The following TRAPPC9 variants were observed in gnomAD, a reference collection of about 807,000 sequenced individuals.
TRAPPC9 encodes IKK2 binding protein.
Under a neutral mutation model 124.0 loss-of-function variants are expected in TRAPPC9, and 83 were observed. The ratio of observed to expected loss-of-function variants is 0.67; its 90% CI spans 0.56 to 0.80. The LOEUF (loss-of-function observed/expected upper bound fraction) is 0.80, where lower values mean the gene tolerates loss of function less well. Among genes scored for constraint, TRAPPC9 ranks in the 30% least tolerant of loss-of-function variants. TRAPPC9 has a pLI of 0.00. For synonymous variants in TRAPPC9, 638 were observed against 617.5 expected, an observed-to-expected ratio of 1.03 and a Z score of -0.49; for missense variants, 1,302 against 1,508.3, an observed-to-expected ratio of 0.86 and a Z score of 2.27.
At chr8:140,370,505 T>C (rs918266159) in intron 8 of TRAPPC9, among the ~76,000 whole-genome samples, 1 of 152,198 alleles carries the variant, frequency 6.6e-6, no homozygotes, top group Non-Finnish European at 1.5e-5. Context: ...CTTGTACATA[T>C]TTGTTATTAG....
chr8:139,894,010 C>T (rs570950844), intron 20 of TRAPPC9, among the ~76,000 whole-genome samples: 5 of 152,348 alleles, frequency 3.3e-5, no homozygotes, highest in South Asian at 4.1e-4. Context: ...CTGTGGCAAC[C>T]GCTTGGCACC....
rs570195731 is a variant in TRAPPC9 at position 140,019,346 on chromosome 8, T to C, written c.2699+4591A>G. ...TGGAAGTTGGGAAGTATTTCCTCCT[T>C]ATTTTCTGAAAAAGTTTTTGTAAAG... On this transcript the variant is annotated intron_variant, in intron 18 of 22. Transcript: ENST00000438773. Among the ~76,000 whole-genome samples, 36 of 152,240 alleles carry C rather than the reference T, an allele frequency of 2.4e-4. No individual in the cohort carries two copies. The South Asian group carries it at 7.3e-3, about 31-fold the overall frequency.
intron 21 of TRAPPC9, among the ~76,000 whole-genome samples, chr8:139,786,617 T>A (rs940767537): frequency 2.0e-5 from 3 of 152,236 alleles, no homozygotes; most frequent in African/African-American, 7.2e-5. Flanking sequence ...CAAATGGTCT[T>A]AGCTGCTTTA....
At chr8:140,011,201 G>A (rs115742760) in intron 18 of TRAPPC9, among the ~76,000 whole-genome samples, 2,804 of 151,906 alleles carry the variant, frequency 0.018, 81 homozygotes, top group African/African-American at 0.061. Flanking sequence ...TTAGCTGGGC[G>A]TGGTGAGGCA....
intron 9 of TRAPPC9, among the ~76,000 whole-genome samples, chr8:140,357,850 C>T (rs2067800874): frequency 6.6e-6 from 1 of 152,200 alleles, no homozygotes; most frequent in Admixed American, 6.5e-5. Context: ...TCAAGAAAAG[C>T]ACAGTTCAAA....
At chr8:140,284,181 C>A (rs1453275482) in intron 13 of TRAPPC9, among the ~76,000 whole-genome samples, 160 bp from the exon 14 acceptor site, 2 of 152,188 alleles carry the variant, frequency 1.3e-5, no homozygotes, top group Non-Finnish European at 2.9e-5. Flanking sequence ...GCCCTCAACC[C>A]CACGACCCTC....
At chr8:140,017,116 A>C (rs1473770176) in intron 18 of TRAPPC9, among the ~76,000 whole-genome samples, 5 of 152,226 alleles carry the variant, frequency 3.3e-5, no homozygotes, top group Non-Finnish European at 5.9e-5. Context: ...TCACCTTTTT[A>C]GAATTGTACA....
chr8:140,428,033 A>C (rs1450152768), intron 4 of TRAPPC9, among the ~76,000 whole-genome samples: 1 of 152,116 alleles, frequency 6.6e-6, no homozygotes, highest in Non-Finnish European at 1.5e-5. Flanking sequence ...ACACGCCACA[A>C]CACCAGGTCC....
At chr8:140,271,235 G>A (rs577289134) in intron 15 of TRAPPC9, among the ~76,000 whole-genome samples, 1 of 152,102 alleles carries the variant, frequency 6.6e-6, no homozygotes, top group South Asian at 2.1e-4. Context: ...CACCCAAATT[G>A]GTCCCAAAAG....
intron 10 of TRAPPC9, among the ~76,000 whole-genome samples, chr8:140,306,222 G>A (rs1413861023): frequency 2.0e-5 from 3 of 152,010 alleles, no homozygotes; most frequent in Admixed American, 6.6e-5. Flanking sequence ...GAGACCAGGC[G>A]TGGTGGCTCA....
intron 9 of TRAPPC9, among the ~76,000 whole-genome samples, chr8:140,329,565 G>C (rs2066841735): frequency 2.0e-5 from 3 of 152,158 alleles, no homozygotes; most frequent in Admixed American, 1.3e-4. Context: ...CCACTGTAGG[G>C]AAGAGAAAAG....
intron 18 of TRAPPC9, among the ~76,000 whole-genome samples, chr8:139,996,657 C>T (rs1219893133): frequency 6.6e-6 from 1 of 152,054 alleles, no homozygotes; most frequent in African/African-American, 2.4e-5. Flanking sequence ...AATGGCCACA[C>T]CCCCAAAAAG....
chr8:140,351,949 G>T (rs1159705526), intron 9 of TRAPPC9, among the ~76,000 whole-genome samples: 1 of 152,184 alleles, frequency 6.6e-6, no homozygotes, highest in Non-Finnish European at 1.5e-5. Context: ...TCACACAGTT[G>T]TGCAACAACC....
rs889808193 is a variant in TRAPPC9, at chr8:140,074,100, G to A, written c.2557-50021C>T. Among the ~76,000 whole-genome samples the A allele has an allele frequency of 1.1e-4, 17 of 152,136 alleles. 1 individual carries two copies. Among genetic ancestry groups the A allele is most frequent in the Admixed American group, 9.8e-4 (15 of 15,278 alleles). On this transcript the variant is annotated intron_variant, in intron 17 of 22. Coordinates refer to ENST00000438773, the MANE Select transcript of TRAPPC9 (RefSeq NM_001160372.4). Reference sequence around the variant, plus strand: ...ACCGTCACAGACAGGAAGTGCTCCCGATCACGGACAAAATTCCAAAGGCAT... The same window carrying A: ...ACCGTCACAGACAGGAAGTGCTCCCAATCACGGACAAAATTCCAAAGGCAT...
chr8:139,893,171 G>T (rs1386739359), intron 20 of TRAPPC9, among the ~76,000 whole-genome samples: 1 of 152,230 alleles, frequency 6.6e-6, no homozygotes, highest in Non-Finnish European at 1.5e-5. Flanking sequence ...CTGGCGAGAT[G>T]CCTCTCCTGT....
At chr8:139,915,184 T>C (rs1221056951) in intron 19 of TRAPPC9, among the ~76,000 whole-genome samples, 1 of 152,074 alleles carries the variant, frequency 6.6e-6, no homozygotes, top group Non-Finnish European at 1.5e-5. Flanking sequence ...TGCCCAGGGG[T>C]CTGCCCAGCA....
At chr8:140,164,713 G>A (rs919383062) in intron 17 of TRAPPC9, among the ~76,000 whole-genome samples, 5 of 152,200 alleles carry the variant, frequency 3.3e-5, no homozygotes, top group African/African-American at 1.2e-4. Flanking sequence ...GAGTCCAGGT[G>A]GAACTCCGCA....
intron 21 of TRAPPC9, among the ~76,000 whole-genome samples, chr8:139,765,888 C>A (rs961648731): frequency 6.6e-6 from 1 of 152,208 alleles, no homozygotes; most frequent in Admixed American, 6.5e-5. Context: ...GGGGTCTGTG[C>A]CAGGGCGGTG....
At chr8:140,075,328 T>C (rs1843441321) in intron 17 of TRAPPC9, among the ~76,000 whole-genome samples, 1 of 152,236 alleles carries the variant, frequency 6.6e-6, no homozygotes, top group African/African-American at 2.4e-5. Flanking sequence ...TAATAACTCT[T>C]GACTAGTTGG....
Sources: allele counts gnomAD v4.1 joint callset (sites outside exome capture counted in the v4.1 genomes callset), GRCh38; gene constraint gnomAD v4.1.1; transcripts MANE v1.5; gene names NCBI Gene and HGNC (gene_info 2026-07-23, HGNC 2026-07-21).